Variants in FAM20B observed in about 807,000 individuals in gnomAD.
FAM20B encodes FAM20B glycosaminoglycan xylosylkinase.
Under a neutral mutation model 43.8 loss-of-function variants are expected in FAM20B, and 23 were observed. The ratio of observed to expected loss-of-function variants is 0.53; its 90% CI spans 0.38 to 0.74. The LOEUF is 0.74. Ranked by LOEUF, FAM20B falls within the 30% of genes least tolerant of loss-of-function variation. The pLI is 0.00. For missense variants in FAM20B, 440 were observed against 510.5 expected (o/e 0.86, Z 1.33); for synonymous variants, 178 against 192.4 (o/e 0.93, Z 0.62).
Position 179,029,518 on chromosome 1 carries a change from G to C in FAM20B, c.-134+3420G>C, listed in dbSNP as rs944950112. On this transcript the variant is annotated intron_variant, in intron 1 of 7. Transcript: ENST00000263733. ...TGTAAAGAATCTACATGACAGATGG[G>C]TGCGTCTGTCATCCCAGTGTGAGAT... Among the ~76,000 whole-genome samples the C allele has an allele frequency of 2.6e-5, 4 of 152,198 alleles. No homozygotes were observed. The East Asian group carries it at 7.7e-4, about 29-fold the overall frequency.
At chr1:179,032,040 T>C (rs561635005) in intron 1 of FAM20B, among the ~76,000 whole-genome samples, 7 of 152,318 alleles carry the variant, frequency 4.6e-5, no homozygotes, top group African/African-American at 1.7e-4. Context: ...CCTAGTCTTA[T>C]CTACCTCTCA....
the FAM20B span, among the ~76,000 whole-genome samples, chr1:179,020,546 T>C: frequency 6.6e-6 from 1 of 152,222 alleles, no homozygotes; most frequent in South Asian, 2.1e-4. Context: ...GTATATTAGA[T>C]TGAACTATAT....
At chr1:179,040,653 C>G (rs1374204038) in intron 1 of FAM20B, among the ~76,000 whole-genome samples, 4 of 135,786 alleles carry the variant, frequency 2.9e-5, no homozygotes, top group Non-Finnish European at 4.6e-5. Context: ...GGGCGGCTGG[C>G]CGGGCGCTGA....
Position 179,043,923 on chromosome 1 carries a change from G to GACA in FAM20B, c.79_81dup (p.Asn27dup). On this transcript the variant is annotated inframe_insertion, in exon 2 of 8. Transcript: ENST00000263733. ...TATCTTCACCAAAGTTTTCCTGATTGACAACTTAGATACATCAGCTGCCAA... is the reference window on the plus strand; with the variant it reads ...TATCTTCACCAAAGTTTTCCTGATTGACAACAACTTAGATACATCAGCTGCCAA... 6.2e-7 allele frequency: 1 copy of GACA among 1,612,568 alleles called. No homozygotes were observed. Among genetic ancestry groups the GACA allele is most frequent in the Non-Finnish European group, 8.5e-7 (1 of 1,178,710 alleles).
At chr1:179,054,480 A>G in intron 3 of FAM20B, 49 bp from the exon 4 acceptor site, 2 of 1,207,002 alleles carry the variant, frequency 1.7e-6, no homozygotes, top group Non-Finnish European at 2.5e-6. Flanking sequence ...GTTACTTAAA[A>G]AACATCCCCT....
chr1:179,068,233 T>A (rs1651771605), intron 7 of FAM20B, among the ~76,000 whole-genome samples: 1 of 152,212 alleles, frequency 6.6e-6, no homozygotes, highest in Non-Finnish European at 1.5e-5. Context: ...TTTCTTTTTT[T>A]AAATGACAAC....
intron 4 of FAM20B, among the ~76,000 whole-genome samples, chr1:179,060,448 C>T (rs187581722): frequency 6.6e-6 from 1 of 152,198 alleles, no homozygotes; most frequent in Admixed American, 6.5e-5. Flanking sequence ...GAGGGGTGAG[C>T]GAGCATTACC....
intron 1 of FAM20B, 38 bp from the exon 2 acceptor site, chr1:179,043,677 A>ATT (rs1650639285): frequency 3.4e-6 from 2 of 586,358 alleles, no homozygotes; most frequent in African/African-American, 3.7e-5. Flanking sequence ...GAAGGACAGA[A>ATT]TTTTTGATCA....
At chr1:179,066,916 T>A in intron 7 of FAM20B, 57 bp downstream of exon 7, 1 of 1,229,106 alleles carries the variant, frequency 8.1e-7, no homozygotes, top group South Asian at 1.2e-5. Context: ...CAGGCTCAGG[T>A]AACAGTACAT....
In FAM20B at chr1:179,060,628, A is replaced by G. The variant is rs543803517; in HGVS notation, c.575-3299A>G. ...TTTCATCCTGAAACCATTCCCACCC[A>G]GTCCCCAACCCCTGTCTGTGGAAAA... On this transcript the variant is annotated intron_variant, in intron 4 of 7. Coordinates refer to ENST00000263733, the MANE Select transcript of FAM20B (RefSeq NM_014864.4). Among the ~76,000 whole-genome samples, 5 of 152,054 alleles carry G rather than the reference A, an allele frequency of 3.3e-5. No homozygotes were observed. In the South Asian group the frequency reaches 1.0e-3, roughly 32 times the overall value.
intron 1 of FAM20B, among the ~76,000 whole-genome samples, chr1:179,035,878 A>G (rs1650204930): frequency 1.3e-5 from 2 of 152,014 alleles, no homozygotes; most frequent in South Asian, 4.1e-4. Context: ...ACCTGTAATC[A>G]CAGCACATTG....
intron 4 of FAM20B, 84 bp from the exon 5 acceptor site, chr1:179,063,843 G>T: frequency 1.1e-6 from 1 of 903,068 alleles, no homozygotes; most frequent in Non-Finnish European, 1.7e-6. Context: ...TATTTACTTA[G>T]CTACTCTGTT....
chr1:179,024,235 G>A (rs984267036), upstream of FAM20B, among the ~76,000 whole-genome samples: 7 of 152,144 alleles, frequency 4.6e-5, no homozygotes, highest in Non-Finnish European at 1.0e-4. Context: ...ACTGCCCCCT[G>A]CCCTCACCTG....
chr1:179,029,469 A>G (rs576143158), intron 1 of FAM20B, among the ~76,000 whole-genome samples: 2 of 152,380 alleles, frequency 1.3e-5, no homozygotes, highest in African/African-American at 2.4e-5. Flanking sequence ...ACCAAAAACA[A>G]AAGAAGAAAT....
At chr1:179,063,775 T>C (rs1200011583) in intron 4 of FAM20B, 152 bp from the exon 5 acceptor site, 1 of 572,442 alleles carries the variant, frequency 1.7e-6, no homozygotes, top group Non-Finnish European at 3.0e-6. Flanking sequence ...TTATTACCTA[T>C]ACAGGAAAAT....
At chr1:179,026,263 G>A (rs1393097151) in intron 1 of FAM20B, among the ~76,000 whole-genome samples, 165 bp downstream of exon 1, 3 of 151,314 alleles carry the variant, frequency 2.0e-5, no homozygotes, top group Admixed American at 1.3e-4. Context: ...CGGGTGCCCT[G>A]AGCCGTCCCC....
In FAM20B at chr1:179,042,331, T is replaced by C. The variant is rs1468731930; in HGVS notation, c.-133-1384T>C. Among the ~76,000 whole-genome samples, 5 of 152,320 alleles carry C rather than the reference T, an allele frequency of 3.3e-5. No individual in the cohort carries two copies. In the East Asian group the frequency reaches 9.7e-4, roughly 29 times the overall value. On this transcript the variant is annotated intron_variant, in intron 1 of 7. Coordinates refer to ENST00000263733, the MANE Select transcript of FAM20B (RefSeq NM_014864.4). ...GTGGTGGGGTAGGCAGCTCCAAGCA[T>C]AAGCACAGCTGCCGGTTCTGTGTGA...
chr1:179,062,415 G>T (rs904606976), intron 4 of FAM20B, among the ~76,000 whole-genome samples: 48 of 152,236 alleles, frequency 3.2e-4, no homozygotes, highest in African/African-American at 1.1e-3. Flanking sequence ...ACTCTGGGAG[G>T]CTGAGGTGGG....
At chr1:179,053,086 T>C (rs1651075204) in intron 3 of FAM20B, among the ~76,000 whole-genome samples, 1 of 152,180 alleles carries the variant, frequency 6.6e-6, no homozygotes, top group Non-Finnish European at 1.5e-5. Context: ...CTATAATGTT[T>C]CAGTTTGTGA....
Sources: gnomAD v4.1 joint callset for allele counts (sites outside exome capture counted in the v4.1 genomes callset) on GRCh38, gnomAD v4.1.1 for gene constraint, MANE v1.5 for transcripts, NCBI Gene and HGNC (gene_info 2026-07-23, HGNC 2026-07-21) for gene names.